The following CHCHD3 variants were observed in gnomAD, a reference collection of about 807,000 sequenced individuals.
CHCHD3 encodes the protein MICOS complex subunit MIC19.
Under a neutral mutation model 38.2 loss-of-function variants are expected in CHCHD3, and 20 were observed. The observed-to-expected ratio is 0.52, with a 90% CI of 0.37 to 0.76. CHCHD3 has a LOEUF of 0.76. Ranked by LOEUF, CHCHD3 falls within the 30% of genes least tolerant of loss-of-function variation. The pLI, the probability that CHCHD3 is intolerant of heterozygous loss-of-function variation, is 0.00. For missense variants in CHCHD3, 245 were observed against 279.2 expected (o/e 0.88, Z 0.87); for synonymous variants, 82 against 100.0 (o/e 0.82, Z 1.07).
At chr7:132,797,300 G>A (rs1459613970) in intron 6 of CHCHD3, among the ~76,000 whole-genome samples, 1 of 151,792 alleles carries the variant, frequency 6.6e-6, no homozygotes, top group Admixed American at 6.6e-5. Flanking sequence ...AATGCTCTAC[G>A]CCCAAACTCC....
chr7:132,787,131 G>A (rs1016870508), intron 7 of CHCHD3, among the ~76,000 whole-genome samples: 8 of 152,162 alleles, frequency 5.3e-5, no homozygotes, highest in African/African-American at 1.7e-4. Context: ...ACAGAATCCT[G>A]AGGGGAGAGG....
intron 5 of CHCHD3, among the ~76,000 whole-genome samples, chr7:132,850,171 T>C (rs1010956178): frequency 4.6e-5 from 7 of 152,142 alleles, no homozygotes; most frequent in African/African-American, 1.7e-4. Context: ...CCTCTCTCCT[T>C]TTCCAACAAA....
chr7:132,806,303 G>GCCAGGTA (rs1277513674), intron 6 of CHCHD3, among the ~76,000 whole-genome samples: 8 of 152,338 alleles, frequency 5.3e-5, no homozygotes, highest in Non-Finnish European at 1.0e-4. Context: ...AATTGGTAAA[G>GCCAGGTA]AAGAAAGTGG....
chr7:132,812,358 C>A (rs994011857), intron 6 of CHCHD3, among the ~76,000 whole-genome samples: 4 of 151,590 alleles, frequency 2.6e-5, no homozygotes, highest in African/African-American at 9.7e-5. Flanking sequence ...TACAGGTGTC[C>A]ACCACCAAGC....
intron 6 of CHCHD3, among the ~76,000 whole-genome samples, chr7:132,830,446 TA>T (rs937248494): frequency 1.3e-5 from 2 of 152,332 alleles, no homozygotes; most frequent in Admixed American, 6.5e-5. Flanking sequence ...ATTTTTTAGA[TA>T]AGGATCAAAG....
chr7:132,840,912 TCACA>T (rs141931313), intron 5 of CHCHD3, among the ~76,000 whole-genome samples: 2 of 149,530 alleles, frequency 1.3e-5, no homozygotes, highest in African/African-American at 2.4e-5. Context: ...ACACACACAA[TCACA>T]CACACACACA....
At chr7:133,048,232 G>A (rs13239083) in intron 2 of CHCHD3, among the ~76,000 whole-genome samples, 70,347 of 151,946 alleles carry the variant, frequency 0.46, 17,199 homozygotes, top group African/African-American at 0.62. Flanking sequence ...GGGAGGGAAA[G>A]CGTAGTTTAT....
chr7:133,037,177 C>G (rs1269259795), intron 2 of CHCHD3, among the ~76,000 whole-genome samples: 2 of 152,072 alleles, frequency 1.3e-5, no homozygotes, highest in African/African-American at 4.8e-5. Context: ...TGATGTTGAT[C>G]AAGCATTTTC....
At position 133,067,480 on chromosome 7, in the gene CHCHD3, C is replaced by T. The variant is rs200195867; in HGVS notation, c.169+2662G>A. Among the ~76,000 whole-genome samples, 11 of 152,092 alleles carry T rather than the reference C, an allele frequency of 7.2e-5. No homozygotes were observed. The East Asian group carries it at 1.9e-3, about 27-fold the overall frequency. ...AACCATTTGCTCCCTTAACATTTTCCGTATTTTAAGTTCATACATGTAGAT... is the reference window on the plus strand; with the variant it reads ...AACCATTTGCTCCCTTAACATTTTCTGTATTTTAAGTTCATACATGTAGAT... On this transcript the variant is annotated intron_variant, in intron 2 of 7. Coordinates refer to ENST00000262570, the MANE Select transcript of CHCHD3 (RefSeq NM_017812.4).
rs534631503 is a variant in CHCHD3 at position 132,892,138 on chromosome 7, C to T, written c.370-6393G>A. 2.6e-5 allele frequency among the ~76,000 whole-genome samples: 4 copies of T among 152,250 alleles called. No homozygotes were observed. The East Asian group carries it at 5.8e-4, about 22-fold the overall frequency. ...AGTTTGGAACTGGGTAATGGACAGA[C>T]GTTGGGACAATTTGGAGATCTCAGA... On this transcript the variant is annotated intron_variant, in intron 4 of 7. Coordinates refer to ENST00000262570, the MANE Select transcript of CHCHD3 (RefSeq NM_017812.4).
intron 2 of CHCHD3, among the ~76,000 whole-genome samples, chr7:133,063,379 G>A (rs1338661618): frequency 6.6e-6 from 1 of 152,102 alleles, no homozygotes; most frequent in Non-Finnish European, 1.5e-5. Context: ...CTGATTGCTA[G>A]TTTCCAACTA....
intron 6 of CHCHD3, among the ~76,000 whole-genome samples, chr7:132,805,341 G>A (rs924701743): frequency 1.3e-5 from 2 of 151,896 alleles, no homozygotes; most frequent in Admixed American, 6.6e-5. Context: ...GTAGTCTGGG[G>A]GGGTTCCAAG....
intron 3 of CHCHD3, among the ~76,000 whole-genome samples, chr7:133,007,520 C>T (rs973522174): frequency 4.6e-5 from 7 of 152,160 alleles, no homozygotes; most frequent in African/African-American, 7.2e-5. Context: ...CCAATCCTAA[C>T]GGAATGGCTG....
intron 3 of CHCHD3, among the ~76,000 whole-genome samples, chr7:133,023,929 T>C (rs1319193765): frequency 6.6e-6 from 1 of 152,194 alleles, no homozygotes; most frequent in Non-Finnish European, 1.5e-5. Flanking sequence ...AACACTTCAA[T>C]GAACATTCTT....
At chr7:132,899,018 G>A (rs947641071) in intron 4 of CHCHD3, among the ~76,000 whole-genome samples, 8 of 152,208 alleles carry the variant, frequency 5.3e-5, no homozygotes, top group African/African-American at 1.7e-4. Context: ...CTGAGGGAGC[G>A]GGCTCTGGCC....
At chr7:132,972,709 T>C (rs1811643800) in intron 4 of CHCHD3, 2 of 985,314 alleles carry the variant, frequency 2.0e-6, no homozygotes, top group South Asian at 4.7e-5. Flanking sequence ...TCAGCTGTCA[T>C]CCTATGGCAT....
intron 5 of CHCHD3, among the ~76,000 whole-genome samples, chr7:132,871,138 ATTACTC>A (rs1808758361): frequency 6.6e-6 from 1 of 152,188 alleles, no homozygotes; most frequent in African/African-American, 2.4e-5. Context: ...CTTTTGCATA[ATTACTC>A]TTAAATAGCT....
rs148363676 is a variant in CHCHD3 at position 132,869,940 on chromosome 7, A to T, written c.453+15722T>A. Among the ~76,000 whole-genome samples the T allele has an allele frequency of 2.4e-3, 363 of 152,288 alleles. 3 individuals carry two copies. Among genetic ancestry groups the T allele is most frequent in the African/African-American group, 8.2e-3 (341 of 41,568 alleles). The stretch of plus-strand genomic sequence containing the variant: ...GCATGAAAGAGTTCTGAAAAACCTG[A>T]AAGATTATATAAGCTTAATTGTAGG... On this transcript the variant is annotated intron_variant, in intron 5 of 7. Coordinates refer to ENST00000262570, the MANE Select transcript of CHCHD3 (RefSeq NM_017812.4).
intron 2 of CHCHD3, among the ~76,000 whole-genome samples, chr7:133,029,306 T>C (rs1397566322): frequency 6.6e-6 from 1 of 152,134 alleles, no homozygotes. Flanking sequence ...TTAAAATTTG[T>C]TCTCTTATGA....
Sources: gnomAD v4.1 joint callset for allele counts (sites outside exome capture counted in the v4.1 genomes callset) on GRCh38, gnomAD v4.1.1 for gene constraint, MANE v1.5 for transcripts, NCBI Gene and HGNC (gene_info 2026-07-23, HGNC 2026-07-21) for gene names.